The following MGAT4C variants were observed in gnomAD, a reference collection of about 807,000 sequenced individuals.
MGAT4C encodes alpha-1,3-mannosyl-glycoprotein 4-beta-N-acetylglucosaminyltransferase C.
Under a neutral mutation model 40.1 loss-of-function variants are expected in MGAT4C, and 19 were observed. The observed-to-expected ratio is 0.47, with a 90% CI of 0.33 to 0.70. The LOEUF is 0.70. Among genes scored for constraint, MGAT4C ranks in the 30% least tolerant of loss-of-function variants. The pLI, the probability that MGAT4C is intolerant of heterozygous loss-of-function variation, is 0.02. For synonymous variants in MGAT4C, 181 were observed against 187.1 expected (o/e 0.97, Z 0.27); for missense variants, 491 against 563.2 (o/e 0.87, Z 1.30).
chr12:86,479,268 T>C (rs1957893339), intron 2 of MGAT4C, among the ~76,000 whole-genome samples: 1 of 151,958 alleles, frequency 6.6e-6, no homozygotes, highest in African/African-American at 2.4e-5. Context: ...AAAATGAATA[T>C]ATAAATTTTG....
At chr12:86,016,049 C>G (rs1889058265) in intron 2 of MGAT4C, 1 of 152,034 alleles carries the variant, frequency 6.6e-6, no homozygotes, top group African/African-American at 2.4e-5. Flanking sequence ...CTGAGATTTG[C>G]TTGTAGGATG....
At chr12:86,721,613 C>T (rs1170717634) in intron 2 of MGAT4C, among the ~76,000 whole-genome samples, 1 of 152,116 alleles carries the variant, frequency 6.6e-6, no homozygotes, top group African/African-American at 2.4e-5. Flanking sequence ...ATCTGCCTTA[C>T]ATTACAAAGT....
intron 2 of MGAT4C, among the ~76,000 whole-genome samples, chr12:86,578,383 C>T (rs529522481): frequency 1.3e-5 from 2 of 151,886 alleles, no homozygotes; most frequent in African/African-American, 4.8e-5. Flanking sequence ...TAACACTGGC[C>T]TCATAGAATG....
chr12:86,168,992 A>G (rs1011540031), intron 1 of MGAT4C, among the ~76,000 whole-genome samples: 1 of 152,056 alleles, frequency 6.6e-6, no homozygotes, highest in African/African-American at 2.4e-5. Context: ...AATGAGTTTC[A>G]TGTTGGAGAT....
intron 2 of MGAT4C, among the ~76,000 whole-genome samples, chr12:86,603,800 T>TATACTATATAATATATAGTATATATA (rs1961939756): frequency 7.5e-6 from 1 of 132,724 alleles, no homozygotes; most frequent in African/African-American, 2.8e-5. Context: ...ATAGTATATA[T>TATACTATATAATATATAGTATATATA]ATTATATAGT....
At chr12:86,373,653 G>GT (rs57145324) in intron 3 of MGAT4C, among the ~76,000 whole-genome samples, 2,018 of 143,936 alleles carry the variant, frequency 0.014, 22 homozygotes, top group African/African-American at 0.024. Flanking sequence ...AAAGAAAATA[G>GT]TTTTTTTTTT....
chr12:86,348,689 A>G (rs1955092995), intron 3 of MGAT4C, among the ~76,000 whole-genome samples: 1 of 152,122 alleles, frequency 6.6e-6, no homozygotes, highest in Non-Finnish European at 1.5e-5. Context: ...ATCTCATTCA[A>G]TAGTACGTGG....
intron 4 of MGAT4C, among the ~76,000 whole-genome samples, chr12:86,316,255 T>C (rs1234534861): frequency 6.6e-6 from 1 of 152,170 alleles, no homozygotes; most frequent in Non-Finnish European, 1.5e-5. Context: ...GGAATGCTTA[T>C]ACACTGTTGG....
intron 1 of MGAT4C, among the ~76,000 whole-genome samples, chr12:86,072,449 C>T (rs1411523550): frequency 6.6e-6 from 1 of 151,512 alleles, no homozygotes; most frequent in African/African-American, 2.4e-5. Context: ...AAATAAAAAG[C>T]CAAGTGTATT....
chr12:86,774,323 C>CTTTCTTTCTTTCTTTCTT (rs1192479432), intron 1 of MGAT4C, among the ~76,000 whole-genome samples: 13 of 97,046 alleles, frequency 1.3e-4, no homozygotes, highest in Admixed American at 2.5e-4. Flanking sequence ...TTCTTTCTTT[C>CTTTCTTTCTTTCTTTCTT]TTTCTTTCTT....
chr12:86,661,836 G>T (rs979703636), intron 2 of MGAT4C, among the ~76,000 whole-genome samples: 1 of 152,130 alleles, frequency 6.6e-6, no homozygotes, highest in Non-Finnish European at 1.5e-5. Flanking sequence ...CTACTCAGGA[G>T]GCTGAGGCAT....
rs556162465 is a variant in MGAT4C at position 86,420,930 on chromosome 12, T to C, written c.-120+14227A>G. Among the ~76,000 whole-genome samples the C allele has an allele frequency of 6.6e-5, 10 of 151,550 alleles. No individual in the cohort carries two copies. In the South Asian group the frequency reaches 2.1e-3, roughly 31 times the overall value. On this transcript the variant is annotated intron_variant, in intron 3 of 7. Transcript: ENST00000548651. The stretch of plus-strand genomic sequence containing the variant: ...GTATATGTGTATATATACATACATA[T>C]ACATGTGTATATATATACTTTTTCT...
chr12:86,660,948 A>C (rs1411105924), intron 2 of MGAT4C, among the ~76,000 whole-genome samples: 1 of 152,224 alleles, frequency 6.6e-6, no homozygotes, highest in Non-Finnish European at 1.5e-5. Flanking sequence ...CAATAAATCA[A>C]GAGTGACATC....
intron 3 of MGAT4C, among the ~76,000 whole-genome samples, chr12:86,380,845 G>A (rs565146290): frequency 5.8e-4 from 89 of 152,144 alleles, no homozygotes; most frequent in Middle Eastern, 3.4e-3. Context: ...AATGCCTAAC[G>A]TCTAAAATCT....
At chr12:86,340,838 C>T (rs1441547416) in intron 3 of MGAT4C, among the ~76,000 whole-genome samples, 1 of 152,090 alleles carries the variant, frequency 6.6e-6, no homozygotes, top group African/African-American at 2.4e-5. Context: ...TAAAGGAGTT[C>T]AGAAGAAGTC....
intron 3 of MGAT4C, among the ~76,000 whole-genome samples, chr12:86,353,989 CA>C (rs1306678282): frequency 6.6e-6 from 1 of 152,106 alleles, no homozygotes; most frequent in Admixed American, 6.6e-5. Context: ...AAAATCTGTA[CA>C]AGGAGTATAC....
chr12:86,170,859 C>T (rs989130153), intron 1 of MGAT4C, among the ~76,000 whole-genome samples: 143 of 151,088 alleles, frequency 9.5e-4, no homozygotes, highest in African/African-American at 3.3e-3. Flanking sequence ...AGGCTGAGGT[C>T]GGAGGATTGC....
At chr12:86,543,097 A>G (rs1376318308) in intron 2 of MGAT4C, among the ~76,000 whole-genome samples, 1 of 152,020 alleles carries the variant, frequency 6.6e-6, no homozygotes, top group Admixed American at 6.6e-5. Context: ...GGATTAGTCA[A>G]TGAAATAACC....
intron 2 of MGAT4C, among the ~76,000 whole-genome samples, chr12:86,693,509 A>C (rs1328472881): frequency 6.6e-6 from 1 of 152,114 alleles, no homozygotes; most frequent in Non-Finnish European, 1.5e-5. Flanking sequence ...TTTAATATTC[A>C]GCTCTGATAA....
Sources: gnomAD v4.1 joint callset for allele counts (sites outside exome capture counted in the v4.1 genomes callset) on GRCh38, gnomAD v4.1.1 for gene constraint, MANE v1.5 for transcripts, NCBI Gene and HGNC (gene_info 2026-07-23, HGNC 2026-07-21) for gene names.